MAF: variants seen among roughly 807,000 people sequenced by gnomAD.
MAF encodes MAF bZIP transcription factor.
MAF carries 10 observed loss-of-function variants against 22.0 expected under a neutral mutation model. The observed-to-expected ratio is 0.45, with a 90% CI of 0.28 to 0.77. MAF has a LOEUF of 0.77. Among genes scored for constraint, MAF ranks in the 30% least tolerant of loss-of-function variants. The pLI is 0.12. For missense variants in MAF, 544 were observed against 548.4 expected (o/e 0.99, Z 0.08); for synonymous variants, 337 against 255.8 (o/e 1.32, Z -3.03).
chr16:79,326,298 T>G, the MAF span, among the ~76,000 whole-genome samples: 6 of 152,196 alleles, frequency 3.9e-5, no homozygotes, highest in South Asian at 1.2e-3. Flanking sequence ...AAAGTACTTA[T>G]CATGATACCT....
At chr16:79,562,623 C>G in the MAF span, among the ~76,000 whole-genome samples, 1 of 152,184 alleles carries the variant, frequency 6.6e-6, no homozygotes, top group African/African-American at 2.4e-5. Context: ...ACACAAATTT[C>G]TCAACATCTG....
chr16:79,554,639 C>A, the MAF span, among the ~76,000 whole-genome samples: 179 of 152,268 alleles, frequency 1.2e-3, no homozygotes, highest in Admixed American at 7.6e-3. Flanking sequence ...TACTCAGTCT[C>A]CCAGGATGCT....
the MAF span, among the ~76,000 whole-genome samples, chr16:79,557,203 C>T: frequency 1.3e-5 from 2 of 151,260 alleles, no homozygotes; most frequent in African/African-American, 4.9e-5. Context: ...GTGCCAGCTA[C>T]ATCTACACTT....
At chr16:79,449,783 C>T in the MAF span, among the ~76,000 whole-genome samples, 5 of 152,180 alleles carry the variant, frequency 3.3e-5, no homozygotes, top group Non-Finnish European at 7.4e-5. Context: ...CACTAATAAG[C>T]TATGATTTAC....
the MAF span, among the ~76,000 whole-genome samples, chr16:79,429,719 A>C: frequency 6.6e-6 from 1 of 152,138 alleles, no homozygotes; most frequent in Non-Finnish European, 1.5e-5. Flanking sequence ...TTGCTGGAAA[A>C]GGAAAAAAAC....
chr16:79,280,395 T>A, the MAF span, among the ~76,000 whole-genome samples: 1 of 152,192 alleles, frequency 6.6e-6, no homozygotes, highest in Admixed American at 6.5e-5. Context: ...ATAACCTCTA[T>A]CCTCCTATTT....
chr16:79,600,150 C>T lies in MAF; in HGVS notation c.-248G>A, dbSNP rs1913933861. 2.1e-6 allele frequency: 1 copy of T among 468,708 alleles called. No homozygotes were observed. The highest frequency in any genetic ancestry group is 3.7e-6 in the Non-Finnish European group (1 of 268,612). 29.0% of individuals were successfully genotyped at this position (468,708 alleles called of 1,614,324 possible). A position where few individuals can be genotyped will look rare whatever the true frequency, so the allele number is the denominator to read the frequency against. On this transcript the variant is annotated 5_prime_UTR_variant, in exon 1 of 2. Coordinates refer to ENST00000326043, the MANE Select transcript of MAF (RefSeq NM_005360.5). Reference sequence around the variant, plus strand: ...CGCCAATGTGCTCCCTCGCTCGCCCCGGCCCCTCCTTGCTCGCTCGCCTCC... The same window carrying T: ...CGCCAATGTGCTCCCTCGCTCGCCCTGGCCCCTCCTTGCTCGCTCGCCTCC...
the MAF span, among the ~76,000 whole-genome samples, chr16:79,273,810 C>T: frequency 1.3e-5 from 2 of 152,148 alleles, no homozygotes; most frequent in Non-Finnish European, 2.9e-5. Flanking sequence ...TCTTTAATTT[C>T]CCCTTGCAAT....
chr16:79,362,249 G>C, the MAF span, among the ~76,000 whole-genome samples: 1 of 152,192 alleles, frequency 6.6e-6, no homozygotes, highest in East Asian at 1.9e-4. Flanking sequence ...TTGTTTGTTT[G>C]CTTGTCTGTT....
At chr16:79,429,617 T>G in the MAF span, among the ~76,000 whole-genome samples, 2 of 152,156 alleles carry the variant, frequency 1.3e-5, no homozygotes, top group African/African-American at 4.8e-5. Context: ...AGCAGCAAAG[T>G]TGAGCTCCTT....
the MAF span, among the ~76,000 whole-genome samples, chr16:79,430,895 G>A: frequency 6.6e-6 from 1 of 152,152 alleles, no homozygotes; most frequent in South Asian, 2.1e-4. Flanking sequence ...ATGACACTTT[G>A]CATTTTAAGT....
At chr16:79,274,055 A>G in the MAF span, among the ~76,000 whole-genome samples, 1 of 148,574 alleles carries the variant, frequency 6.7e-6, no homozygotes, top group Non-Finnish European at 1.5e-5. Flanking sequence ...CCCAGGTTCA[A>G]GCAATTCTCC....
At chr16:79,213,583 T>C in the MAF span, among the ~76,000 whole-genome samples, 1 of 152,210 alleles carries the variant, frequency 6.6e-6, no homozygotes, top group East Asian at 1.9e-4. Context: ...TTGCCTTTCC[T>C]TGTTGATCTT....
the MAF span, among the ~76,000 whole-genome samples, chr16:79,377,446 G>A: frequency 2.6e-5 from 4 of 152,150 alleles, no homozygotes; most frequent in South Asian, 2.1e-4. Flanking sequence ...CAGATGAGTA[G>A]ATTGCAAAAA....
the MAF span, among the ~76,000 whole-genome samples, chr16:79,442,029 G>A: frequency 1.3e-5 from 2 of 152,194 alleles, no homozygotes; most frequent in Non-Finnish European, 2.9e-5. Flanking sequence ...AACGCCAGCA[G>A]GACCCAGGAG....
the MAF span, among the ~76,000 whole-genome samples, chr16:79,288,391 A>G: frequency 3.3e-5 from 5 of 152,280 alleles, no homozygotes; most frequent in South Asian, 1.0e-3. Context: ...CGAGGCTGCC[A>G]TGCTGTGAGG....
chr16:79,385,567 G>C, the MAF span, among the ~76,000 whole-genome samples: 2 of 152,162 alleles, frequency 1.3e-5, no homozygotes, highest in Non-Finnish European at 2.9e-5. Flanking sequence ...TACTTTACAC[G>C]TTGTGTTCTT....
the MAF span, among the ~76,000 whole-genome samples, chr16:79,437,668 G>C: frequency 1.1e-4 from 17 of 152,014 alleles, no homozygotes; most frequent in African/African-American, 4.1e-4. Context: ...CCGTGGAGGG[G>C]ACTGGCCTCT....
At chr16:79,204,970 C>G in the MAF span, 1 of 152,180 alleles carries the variant, frequency 6.6e-6, no homozygotes, top group African/African-American at 2.4e-5. Flanking sequence ...TTGCAAGAAA[C>G]TCATGTCTTT....
Sources: gnomAD v4.1 joint callset for allele counts (sites outside exome capture counted in the v4.1 genomes callset) on GRCh38, gnomAD v4.1.1 for gene constraint, MANE v1.5 for transcripts, NCBI Gene and HGNC (gene_info 2026-07-23, HGNC 2026-07-21) for gene names.